ZNF236: variants seen among roughly 807,000 people sequenced by gnomAD.
ZNF236 encodes the protein regulated by glucose.
A neutral mutation model predicts 191.2 loss-of-function variants in ZNF236; 50 were observed. That is an observed-to-expected ratio of 0.26 (90% CI 0.21 to 0.33). The LOEUF is 0.33. Ranked by LOEUF, ZNF236 falls within the 10% of genes least tolerant of loss-of-function variation. The probability of loss-of-function intolerance (pLI) is 1.00; values close to 1 mark genes in which losing one functional copy is unlikely to be tolerated. For synonymous variants in ZNF236, 907 were observed against 928.8 expected, an observed-to-expected ratio of 0.98 and a Z score of 0.43; for missense variants, 1,754 against 2,374.5, an observed-to-expected ratio of 0.74 and a Z score of 5.43.
chr18:76,920,114 GCTGCTCCTTT>G, intron 20 of ZNF236, 56 bp downstream of exon 20: 5 of 1,548,410 alleles, frequency 3.2e-6, no homozygotes, highest in Non-Finnish European at 4.4e-6. Context: ...GGTGCAGGCA[GCTGCTCCTTT>G]GGTGATTTTC....
At chr18:76,869,202 G>A (rs1976512344) in intron 4 of ZNF236, among the ~76,000 whole-genome samples, 1 of 152,164 alleles carries the variant, frequency 6.6e-6, no homozygotes, top group Non-Finnish European at 1.5e-5. Flanking sequence ...TTAGTTTGTG[G>A]TACCCAACCG....
chr18:76,841,327 C>A (rs1283813818), intron 1 of ZNF236, among the ~76,000 whole-genome samples: 1 of 152,244 alleles, frequency 6.6e-6, no homozygotes, highest in Non-Finnish European at 1.5e-5. Context: ...CCTGCCTCGG[C>A]CTCCCAAAGT....
chr18:76,851,506 T>C (rs1035733781), intron 2 of ZNF236, among the ~76,000 whole-genome samples: 3 of 152,216 alleles, frequency 2.0e-5, no homozygotes, highest in Non-Finnish European at 4.4e-5. Context: ...TTATACTCAC[T>C]GAAAGAAAAC....
intron 9 of ZNF236, among the ~76,000 whole-genome samples, chr18:76,894,674 C>G (rs573947400): frequency 2.6e-5 from 4 of 152,272 alleles, no homozygotes; most frequent in African/African-American, 9.6e-5. Context: ...GTCATTCCTT[C>G]TCTTCTCGTT....
At chr18:76,944,298 A>G (rs763716653) in intron 26 of ZNF236, among the ~76,000 whole-genome samples, 2 of 152,214 alleles carry the variant, frequency 1.3e-5, no homozygotes, top group Non-Finnish European at 2.9e-5. Flanking sequence ...GGGAAATGCA[A>G]ATTCCTGTAA....
chr18:76,925,669 C>T lies in ZNF236; in HGVS notation c.4027+115C>T, dbSNP rs1414074469. The T allele has an allele frequency of 2.2e-6, 3 of 1,385,104 alleles. No individual in the cohort carries two copies. Among genetic ancestry groups the T allele is most frequent in the Middle Eastern group, 2.1e-4 (1 of 4,780 alleles). 85.8% of individuals were successfully genotyped at this position (1,385,104 alleles called of 1,614,324 possible). The stretch of plus-strand genomic sequence containing the variant: ...TTTACCGTAGCACCACGTTTCCCTT[C>T]TTTGAGCCTTTTCCTTATAAGGCAT... On this transcript the variant is annotated intron_variant, in intron 22 of 30. Transcript: ENST00000320610. The surrounding 1 kb of genome is among the most constrained non-coding windows in gnomAD (Gnocchi z 5.7).
chr18:76,905,542 CAAGA>C, intron 13 of ZNF236, 127 bp downstream of exon 13: 1 of 817,796 alleles, frequency 1.2e-6, no homozygotes, highest in Non-Finnish European at 1.8e-6. Flanking sequence ...TATATGGGCT[CAAGA>C]AAAAAAAAAA....
intron 1 of ZNF236, among the ~76,000 whole-genome samples, chr18:76,829,608 T>C (rs1300494953): frequency 1.3e-5 from 2 of 152,234 alleles, no homozygotes; most frequent in African/African-American, 4.8e-5. Context: ...ATTACAGGCA[T>C]GAGCCATGGC....
At position 76,927,297 on chromosome 18, in the gene ZNF236, G is replaced by A; in HGVS notation, c.4194G>A (p.Gln1398=). 6.2e-7 allele frequency: 1 copy of A among 1,614,168 alleles called. No individual in the cohort carries two copies. ...TTCAGATTGATCCAAGCATTCTGCA[G>A]CAGACGCTACAGCAGGGCAACCTAT... The part of the protein sequence containing the change: ...ITLQIDPSIL[Q]QTLQQGNLLA... The change falls in exon 24 of 31, where the codon CAG becomes CAA. Residue 1398 remains glutamine (Q), a synonymous_variant. Transcript: ENST00000320610. The surrounding 1 kb of genome is among the most constrained non-coding windows in gnomAD (Gnocchi z 5.4).
chr18:76,876,505 A>T (rs1246968727), intron 6 of ZNF236, among the ~76,000 whole-genome samples: 2 of 152,232 alleles, frequency 1.3e-5, no homozygotes, highest in Admixed American at 6.5e-5. Context: ...GCTGTCTTTG[A>T]TCTTAGATAA....
chr18:76,963,252 A>G (rs577744554), intron 30 of ZNF236, among the ~76,000 whole-genome samples: 2 of 152,282 alleles, frequency 1.3e-5, no homozygotes, highest in African/African-American at 4.8e-5. Flanking sequence ...TGTCCCTTGT[A>G]TGCCGATTTT....
At chr18:76,905,111 A>T (rs1478358106) in intron 12 of ZNF236, 44 bp from the exon 13 acceptor site, 3 of 1,547,248 alleles carry the variant, frequency 1.9e-6, no homozygotes, top group Non-Finnish European at 2.6e-6. Flanking sequence ...AGCATTATAA[A>T]AGTATAAGAA....
At chr18:76,836,141 C>T (rs1027837820) in intron 1 of ZNF236, among the ~76,000 whole-genome samples, 19 of 152,196 alleles carry the variant, frequency 1.2e-4, no homozygotes, top group African/African-American at 4.6e-4. Context: ...CTTCTGACCT[C>T]GTGATCTGCC....
intron 3 of ZNF236, among the ~76,000 whole-genome samples, chr18:76,859,550 G>A (rs1353699803): frequency 7.2e-5 from 11 of 152,180 alleles, no homozygotes; most frequent in Non-Finnish European, 2.9e-5. Context: ...ACAATCATTC[G>A]TACATTGATT....
In ZNF236 at chr18:76,920,015, A is replaced by T; in HGVS notation, c.3514A>T (p.Thr1172Ser). ...QDEPKHANCC[T>S]YCPKSFKKPS... ...CGAGCCCAAGCACGCCAACTGCTGC[A>T]CATACTGCCCCAAGAGCTTCAAGAA... The change falls in exon 20 of 31, where the codon ACA (threonine) becomes TCA (serine). Residue 1172 changes from threonine to serine, a missense_variant. Transcript: ENST00000320610. 1 of 1,613,172 alleles carries T rather than the reference A, an allele frequency of 6.2e-7. No homozygotes were observed.
intron 1 of ZNF236, among the ~76,000 whole-genome samples, chr18:76,827,293 C>G (rs578105030): frequency 6.6e-6 from 1 of 152,170 alleles, no homozygotes; most frequent in Non-Finnish European, 1.5e-5. Context: ...TCAAGTGATT[C>G]TCCTGCCTCA....
intron 28 of ZNF236, 53 bp downstream of exon 28, chr18:76,956,235 G>A: frequency 6.5e-7 from 1 of 1,532,620 alleles, no homozygotes; most frequent in East Asian, 2.4e-5. Flanking sequence ...GGCTAGAGAT[G>A]CGGAGTCCAA....
At chr18:76,939,931 C>T (rs1968092378) in intron 26 of ZNF236, among the ~76,000 whole-genome samples, 1 of 142,712 alleles carries the variant, frequency 7.0e-6, no homozygotes, top group African/African-American at 2.6e-5. Context: ...GTGGGCGACC[C>T]TAGCACTGCA....
intron 25 of ZNF236, among the ~76,000 whole-genome samples, chr18:76,935,073 A>G (rs183258815): frequency 1.1e-3 from 161 of 152,390 alleles, no homozygotes; most frequent in African/African-American, 3.8e-3. Flanking sequence ...TCTTCACTTC[A>G]GCATGGGATC....
Sources: allele counts gnomAD v4.1 joint callset (sites outside exome capture counted in the v4.1 genomes callset), GRCh38; gene constraint gnomAD v4.1.1; non-coding constraint Gnocchi (gnomAD v3.1); transcripts MANE v1.5; gene names NCBI Gene and HGNC (gene_info 2026-07-23, HGNC 2026-07-21).